The following COPS7B variants were observed in gnomAD, a reference collection of about 807,000 sequenced individuals.
COPS7B encodes COP9 signalosome complex subunit 7b.
COPS7B carries 9 observed loss-of-function variants against 33.4 expected under a neutral mutation model. The ratio of observed to expected loss-of-function variants is 0.27; its 90% CI spans 0.16 to 0.47. The LOEUF (loss-of-function observed/expected upper bound fraction) is 0.47, where lower values mean the gene tolerates loss of function less well. Among genes scored for constraint, COPS7B ranks in the 20% least tolerant of loss-of-function variants. The pLI, the probability that COPS7B is intolerant of heterozygous loss-of-function variation, is 0.99. For synonymous variants in COPS7B, 119 were observed against 126.3 expected, an observed-to-expected ratio of 0.94 and a Z score of 0.39; for missense variants, 242 against 318.2, an observed-to-expected ratio of 0.76 and a Z score of 1.82.
At chr2:231,782,884 A>G (rs978092380), upstream of COPS7B, among the ~76,000 whole-genome samples, 16 of 152,128 alleles carry the variant, frequency 1.1e-4, no homozygotes, top group African/African-American at 3.4e-4. Context: ...TCACATAGGT[A>G]TACACCCCTG....
chr2:231,795,563 G>A (rs989260476), intron 4 of COPS7B, among the ~76,000 whole-genome samples: 3 of 152,196 alleles, frequency 2.0e-5, no homozygotes, highest in African/African-American at 7.2e-5. Flanking sequence ...AACTATTGTT[G>A]GGGAATTCAT....
intron 5 of COPS7B, 73 bp from the exon 6 acceptor site, chr2:231,798,786 G>A (rs1168094066): frequency 3.2e-6 from 4 of 1,238,270 alleles, no homozygotes; most frequent in Non-Finnish European, 4.7e-6. Flanking sequence ...AGCTGTTGGG[G>A]AAGAATATTT....
chr2:231,796,203 A>G lies in COPS7B; in HGVS notation c.425A>G (p.Gln142Arg), dbSNP rs763904604. 1.4e-5 allele frequency: 23 copies of G among 1,614,096 alleles called. No homozygotes were observed. The highest frequency in any genetic ancestry group is 1.9e-5 in the Non-Finnish European group (22 of 1,180,036). The change falls in exon 5 of 7, where the codon CAG (glutamine) becomes CGG (arginine). Residue 142 changes from glutamine (Q) to arginine (R), a missense_variant. Gln to Arg is a conservative substitution (Grantham distance 43). Coordinates refer to ENST00000350033, the MANE Select transcript of COPS7B (RefSeq NM_022730.4). Reference protein sequence around the residue: ...IIEAVYTDIIQGKLDQRNQLL... With the variant: ...IIEAVYTDIIRGKLDQRNQLL... ...GAGGCTGTCTACACTGACATCATCC[A>G]GGGCAAGCTGGACCAGCGAAACCAG...
chr2:231,793,145 A>G (rs1344726310), intron 3 of COPS7B, among the ~76,000 whole-genome samples: 1 of 152,194 alleles, frequency 6.6e-6, no homozygotes, highest in Non-Finnish European at 1.5e-5. Context: ...TCGTCTGTAA[A>G]GTGGGAGTAA....
chr2:231,790,342 G>A (rs1043851487), intron 2 of COPS7B: 20 of 152,162 alleles, frequency 1.3e-4, no homozygotes, highest in Admixed American at 5.2e-4. Flanking sequence ...GCTCTTTTCC[G>A]GCTAGTTTTG....
In COPS7B at chr2:231,797,610, A is replaced by G. The variant is rs114724916; in HGVS notation, c.531-1249A>G. On this transcript the variant is annotated intron_variant, in intron 5 of 6. Transcript: ENST00000350033. Reference sequence around the variant, plus strand: ...TGCCAGACTAACTGGTTACCATGGGATGTTTACTAGTAGAAACTCTTACAA... The same window carrying G: ...TGCCAGACTAACTGGTTACCATGGGGTGTTTACTAGTAGAAACTCTTACAA... Among the ~76,000 whole-genome samples, 1,285 of 152,210 alleles carry G rather than the reference A, an allele frequency of 8.4e-3. 16 individuals are homozygous for G. The highest frequency in any genetic ancestry group is 0.029 in the African/African-American group (1,205 of 41,524).
rs2049977459 is a variant in COPS7B, at chr2:231,808,969, TG to T, written c.*1327del. ...GCATACCTGGTGGATCTTGAGGGGCTGGGATTAGGGTGGTTCAGGAAAATGT... is the reference window on the plus strand; with the variant it reads ...GCATACCTGGTGGATCTTGAGGGGCTGGATTAGGGTGGTTCAGGAAAATGT... On this transcript the variant is annotated 3_prime_UTR_variant, in exon 7 of 7. Transcript: ENST00000350033. The T allele has an allele frequency of 6.5e-6, 1 of 153,178 alleles. No individual in the cohort carries two copies. The highest frequency in any genetic ancestry group is 1.5e-5 in the Non-Finnish European group (1 of 68,868). The allele number at this position is 153,178 out of a possible 1,614,324, so 9.5% of individuals were successfully genotyped here.
chr2:231,782,973 TATTGAG>T (rs1446597640), upstream of COPS7B, among the ~76,000 whole-genome samples: 1 of 152,214 alleles, frequency 6.6e-6, no homozygotes, highest in Non-Finnish European at 1.5e-5. Flanking sequence ...CATCCTTACA[TATTGAG>T]ATAATCACTC....
intron 6 of COPS7B, among the ~76,000 whole-genome samples, chr2:231,800,296 A>G (rs1017968383): frequency 6.6e-6 from 1 of 152,246 alleles, no homozygotes; most frequent in Middle Eastern, 3.2e-3. Flanking sequence ...AATTAGGAAA[A>G]TAAGCTTGCT....
chr2:231,786,737 C>G (rs1180390383), intron 1 of COPS7B, among the ~76,000 whole-genome samples, 199 bp downstream of exon 1: 1 of 152,210 alleles, frequency 6.6e-6, no homozygotes, highest in Non-Finnish European at 1.5e-5. Context: ...TCTGCTGCAG[C>G]TTGCGACCCT....
At chr2:231,782,314 T>C (rs1318420185), upstream of COPS7B, among the ~76,000 whole-genome samples, 1 of 152,250 alleles carries the variant, frequency 6.6e-6, no homozygotes, top group Admixed American at 6.5e-5. Context: ...TTAGGTAGCA[T>C]TTATTTGGTG....
chr2:231,787,259 C>A (rs376318020), intron 1 of COPS7B, among the ~76,000 whole-genome samples: 120 of 152,268 alleles, frequency 7.9e-4, no homozygotes, highest in African/African-American at 2.8e-3. Flanking sequence ...CTAAGTGAGG[C>A]GACATACTTG....
At chr2:231,798,655 A>G (rs985502532) in intron 5 of COPS7B, among the ~76,000 whole-genome samples, 5 of 152,232 alleles carry the variant, frequency 3.3e-5, no homozygotes, top group African/African-American at 1.2e-4. Context: ...CCAGACTACC[A>G]TATTTGTCTC....
At chr2:231,806,042 A>G (rs1204322327) in intron 6 of COPS7B, among the ~76,000 whole-genome samples, 1 of 151,998 alleles carries the variant, frequency 6.6e-6, no homozygotes, top group Non-Finnish European at 1.5e-5. Flanking sequence ...AGTTTAGGGC[A>G]TGGCTTTTCC....
intron 2 of COPS7B, 199 bp downstream of exon 2, chr2:231,788,931 A>G (rs1196192564): frequency 2.0e-6 from 1 of 508,230 alleles, no homozygotes; most frequent in African/African-American, 1.9e-5. Flanking sequence ...TACCTTGGGT[A>G]AAATTAGATT....
intron 1 of COPS7B, 126 bp downstream of exon 1, chr2:231,786,664 G>A (rs1309981335): frequency 7.2e-6 from 2 of 279,564 alleles, no homozygotes; most frequent in Non-Finnish European, 1.1e-5. Flanking sequence ...CTTGGGGAGC[G>A]CGTCCCGCGG....
At chr2:231,788,769 A>G in intron 2 of COPS7B, 37 bp downstream of exon 2, 6 of 1,585,040 alleles carry the variant, frequency 3.8e-6, no homozygotes, top group Non-Finnish European at 5.2e-6. Flanking sequence ...CTTTATTCTA[A>G]GACTCTGTAA....
intron 5 of COPS7B, 110 bp downstream of exon 5, chr2:231,796,418 T>A: frequency 1.1e-6 from 1 of 890,268 alleles, no homozygotes; most frequent in Non-Finnish European, 1.8e-6. Context: ...TGTAGCTACC[T>A]GGGAGCTGGG....
intron 6 of COPS7B, among the ~76,000 whole-genome samples, chr2:231,805,431 A>ATATATT (rs1491440263): frequency 8.4e-6 from 1 of 118,826 alleles, no homozygotes; most frequent in African/African-American, 3.0e-5. Flanking sequence ...ATATATATAT[A>ATATATT]TTTTTTTTTA....
Sources: allele counts gnomAD v4.1 joint callset (sites outside exome capture counted in the v4.1 genomes callset), GRCh38; gene constraint gnomAD v4.1.1; transcripts MANE v1.5; gene names NCBI Gene and HGNC (gene_info 2026-07-23, HGNC 2026-07-21).